CACNA1C: variants seen among roughly 807,000 people sequenced by gnomAD.
CACNA1C encodes the protein calcium voltage-gated channel subunit alpha1 C, also known as voltage-dependent L-type calcium channel subunit alpha-1C.
In CACNA1C, 30 loss-of-function variants were observed where a neutral mutation model predicts 229.0. That is an observed-to-expected ratio of 0.13 (90% CI 0.10 to 0.18). CACNA1C has a LOEUF of 0.18. CACNA1C is among the 10% of genes least tolerant of loss of function. CACNA1C has a pLI of 1.00. For missense variants in CACNA1C, 1,658 were observed against 2,845.0 expected (o/e 0.58, Z 9.49); for synonymous variants, 1,114 against 1,132.5 (o/e 0.98, Z 0.33).
chr12:2,005,582 G>A (rs1450925117), intron 1 of CACNA1C, among the ~76,000 whole-genome samples: 1 of 150,050 alleles, frequency 6.7e-6, no homozygotes, highest in Non-Finnish European at 1.5e-5. Flanking sequence ...TGTATCTACT[G>A]CCATGAGCTT....
intron 29 of CACNA1C, among the ~76,000 whole-genome samples, chr12:2,624,119 C>T (rs1263748521): frequency 1.3e-5 from 2 of 152,128 alleles, no homozygotes; most frequent in Non-Finnish European, 2.9e-5. Context: ...AGGATGGGGT[C>T]CTTGTTTGGG....
intron 1 of CACNA1C, among the ~76,000 whole-genome samples, chr12:1,989,817 G>C (rs2038893326): frequency 6.6e-6 from 1 of 152,218 alleles, no homozygotes; most frequent in African/African-American, 2.4e-5. Context: ...ATCTTATTTA[G>C]TTGCGAAATG....
intron 1 of CACNA1C, among the ~76,000 whole-genome samples, chr12:2,009,201 A>C (rs1004803095): frequency 6.6e-6 from 1 of 152,212 alleles, no homozygotes; most frequent in African/African-American, 2.4e-5. Flanking sequence ...ACTTGGTTTT[A>C]CAAAGTTGGA....
rs773557607 is a variant in CACNA1C, at chr12:2,601,812, C to T, written c.2854-42C>T. ...GGTGTGAGGGGTCTCTGGGCTAGGG[C>T]TAGGGCCACTCACACTGGTGTTCCT... On this transcript the variant is annotated intron_variant, in intron 21 of 46. Coordinates refer to ENST00000399655, the MANE Select transcript of CACNA1C (RefSeq NM_000719.7). This position sits in a 1 kb window ranked among gnomAD's most constrained non-coding sequence, Gnocchi z 5.9. 1 of 1,345,842 alleles carries T rather than the reference C, an allele frequency of 7.4e-7. No individual in the cohort carries two copies. The highest frequency in any genetic ancestry group is 1.2e-5 in the South Asian group (1 of 85,750). The allele number at this position is 1,345,842 out of a possible 1,614,324, so 83.4% of individuals were successfully genotyped here.
At chr12:2,406,590 AAAATGTTCATTTAGCCTTC>A (rs1329386117) in intron 3 of CACNA1C, among the ~76,000 whole-genome samples, 3 of 152,138 alleles carry the variant, frequency 2.0e-5, no homozygotes, top group Non-Finnish European at 4.4e-5. Flanking sequence ...TTTTACTTTT[AAAATGTTCATTTAGCCTTC>A]TTTATGTCTT....
intron 45 of CACNA1C, 50 bp downstream of exon 45, chr12:2,686,319 A>G: frequency 7.3e-7 from 1 of 1,376,812 alleles, no homozygotes; most frequent in Non-Finnish European, 1.0e-6. Context: ...CAGGCCAGAC[A>G]GTCCCCAGGG....
intron 8 of CACNA1C, among the ~76,000 whole-genome samples, chr12:2,511,709 G>A (rs2099784456): frequency 6.6e-6 from 1 of 152,136 alleles, no homozygotes; most frequent in Admixed American, 6.5e-5. Context: ...TTTGAGGGTT[G>A]AGAATTCACT....
chr12:2,611,289 A>T (rs2077608650), intron 28 of CACNA1C, among the ~76,000 whole-genome samples: 1 of 131,002 alleles, frequency 7.6e-6, no homozygotes, highest in African/African-American at 3.0e-5. Context: ...TTTTTGGTTG[A>T]TCAATGGAGA....
At chr12:2,064,478 C>T (rs2058639210) in intron 1 of CACNA1C, among the ~76,000 whole-genome samples, 1 of 152,170 alleles carries the variant, frequency 6.6e-6, no homozygotes, top group Non-Finnish European at 1.5e-5. Context: ...CTGCCCTGCC[C>T]CAGGCATGAC....
At chr12:2,498,853 C>T (rs1002929046) in intron 7 of CACNA1C, among the ~76,000 whole-genome samples, 2 of 152,238 alleles carry the variant, frequency 1.3e-5, no homozygotes, top group Admixed American at 1.3e-4. Flanking sequence ...CAGTTGTCTC[C>T]TGCACAGGTC....
intron 3 of CACNA1C, among the ~76,000 whole-genome samples, chr12:2,407,209 G>A (rs939426397): frequency 2.6e-5 from 4 of 152,256 alleles, no homozygotes; most frequent in Non-Finnish European, 4.4e-5. Context: ...AGGGAAAGGG[G>A]GGCACACCTC....
chr12:2,091,784 C>T (rs1481463706), intron 1 of CACNA1C, among the ~76,000 whole-genome samples: 1 of 152,188 alleles, frequency 6.6e-6, no homozygotes, highest in East Asian at 1.9e-4. Flanking sequence ...GTAAGAGCAT[C>T]TTTTGTAGGG....
intron 3 of CACNA1C, among the ~76,000 whole-genome samples, chr12:2,337,350 A>G (rs10848648): frequency 0.14 from 21,551 of 151,756 alleles, 2,058 homozygotes; most frequent in African/African-American, 0.26. Flanking sequence ...CCAGACTTAG[A>G]CTCCTTTTGG....
intron 29 of CACNA1C, among the ~76,000 whole-genome samples, chr12:2,625,015 G>A (rs905977420): frequency 6.6e-6 from 1 of 152,196 alleles, no homozygotes; most frequent in African/African-American, 2.4e-5. Context: ...TATTTGCAGA[G>A]TGCCCACGGG....
rs561207084 is a variant in CACNA1C, at chr12:2,238,735, G to A, written c.477+118305G>A. Among the ~76,000 whole-genome samples, 6 of 152,340 alleles carry A rather than the reference G, an allele frequency of 3.9e-5. No individual in the cohort carries two copies. The South Asian group carries it at 1.0e-3, about 26-fold the overall frequency. On this transcript the variant is annotated intron_variant, in intron 3 of 46. Coordinates refer to ENST00000399655, the MANE Select transcript of CACNA1C (RefSeq NM_000719.7). ...TGTTCCCCATCTAGGTATTTTCTCT[G>A]AGAAGCAGAGGATGAGGGCTGAACT...
intron 3 of CACNA1C, among the ~76,000 whole-genome samples, chr12:2,318,601 AG>A (rs1157090281): frequency 6.6e-6 from 1 of 152,234 alleles, no homozygotes; most frequent in East Asian, 1.9e-4. Flanking sequence ...GGCTCTGCTA[AG>A]GGTCCCAGAA....
intron 3 of CACNA1C, among the ~76,000 whole-genome samples, chr12:2,207,812 C>A (rs1264018874): frequency 6.7e-6 from 1 of 148,594 alleles, no homozygotes; most frequent in South Asian, 2.2e-4. Flanking sequence ...CAGAGCCAGA[C>A]CCTGTCTCAA....
intron 2 of CACNA1C, among the ~76,000 whole-genome samples, chr12:2,116,375 T>C (rs1045343230): frequency 1.1e-4 from 16 of 150,890 alleles, no homozygotes; most frequent in Non-Finnish European, 2.1e-4. Flanking sequence ...GAAGGACTTT[T>C]TTTTTTTTTT....
intron 3 of CACNA1C, among the ~76,000 whole-genome samples, chr12:2,176,978 C>T (rs904489499): frequency 5.9e-5 from 9 of 152,314 alleles, no homozygotes; most frequent in Non-Finnish European, 7.4e-5. Context: ...CATCAGTCTA[C>T]GGAGGGTGAC....
Sources: gnomAD v4.1 joint callset for allele counts (sites outside exome capture counted in the v4.1 genomes callset) on GRCh38, gnomAD v4.1.1 for gene constraint, Gnocchi (gnomAD v3.1) non-coding constraint, MANE v1.5 for transcripts, NCBI Gene and HGNC (gene_info 2026-07-23, HGNC 2026-07-21) for gene names.